The following FBN2 variants were observed in gnomAD, a reference collection of about 807,000 sequenced individuals.
The protein encoded by FBN2 is fibrillin-2.
FBN2 carries 105 observed loss-of-function variants against 355.6 expected under a neutral mutation model. The ratio of observed to expected loss-of-function variants is 0.30; its 90% CI spans 0.25 to 0.35. The LOEUF is 0.35. Among genes scored for constraint, FBN2 ranks in the 10% least tolerant of loss-of-function variants. The pLI, the probability that FBN2 is intolerant of heterozygous loss-of-function variation, is 1.00. For synonymous variants in FBN2, 1,350 were observed against 1,301.2 expected, an observed-to-expected ratio of 1.04 and a Z score of -0.81; for missense variants, 3,280 against 3,758.7, an observed-to-expected ratio of 0.87 and a Z score of 3.33.
At chr5:128,445,385 A>G (rs1370686960) in intron 7 of FBN2, among the ~76,000 whole-genome samples, 5 of 152,218 alleles carry the variant, frequency 3.3e-5, no homozygotes, top group Non-Finnish European at 5.9e-5. Flanking sequence ...TCAAGGATTT[A>G]TAAGATTATG....
intron 5 of FBN2, among the ~76,000 whole-genome samples, chr5:128,476,542 T>C (rs929267488): frequency 6.6e-6 from 1 of 150,584 alleles, no homozygotes; most frequent in Admixed American, 6.6e-5. Flanking sequence ...AAAAAAAGAG[T>C]ATTATAAGGA....
At chr5:128,355,574 G>A (rs1000107571) in intron 20 of FBN2, among the ~76,000 whole-genome samples, 3 of 152,064 alleles carry the variant, frequency 2.0e-5, no homozygotes, top group Admixed American at 2.0e-4. Context: ...GTAATGACCT[G>A]GACCTGTGGA....
chr5:128,327,648 T>G lies in FBN2; in HGVS notation c.4471+1048A>C, dbSNP rs947295531. On this transcript the variant is annotated intron_variant, in intron 34 of 64. Coordinates refer to ENST00000262464, the MANE Select transcript of FBN2 (RefSeq NM_001999.4). ...TGGTTTGTTTGTTTTTGTTTTTGTTTTTTTTTTTAGACTGAGTTTCGCTCT... is the reference window on the plus strand; with the variant it reads ...TGGTTTGTTTGTTTTTGTTTTTGTTGTTTTTTTTAGACTGAGTTTCGCTCT... 5.9e-5 allele frequency among the ~76,000 whole-genome samples: 9 copies of G among 152,136 alleles called. No individual in the cohort carries two copies. The South Asian group carries it at 1.9e-3, about 32-fold the overall frequency.
chr5:128,271,071 T>A (rs1171688673), intron 62 of FBN2, among the ~76,000 whole-genome samples: 3 of 152,216 alleles, frequency 2.0e-5, no homozygotes, highest in Non-Finnish European at 4.4e-5. Flanking sequence ...TTATCTTGAT[T>A]TTTTGTTCTT....
chr5:128,434,406 A>ATGTG (rs1344667744), intron 7 of FBN2, among the ~76,000 whole-genome samples: 4 of 105,160 alleles, frequency 3.8e-5, no homozygotes, highest in African/African-American at 1.1e-4. Flanking sequence ...ATATATATAT[A>ATGTG]TATATATATA....
intron 4 of FBN2, among the ~76,000 whole-genome samples, chr5:128,526,467 G>A (rs1286830957): frequency 2.6e-5 from 4 of 152,078 alleles, no homozygotes; most frequent in African/African-American, 9.7e-5. Context: ...AGAGCCAAAA[G>A]GTGAAAGCAA....
chr5:128,444,395 AC>A (rs928708870), intron 7 of FBN2, among the ~76,000 whole-genome samples: 1 of 152,240 alleles, frequency 6.6e-6, no homozygotes, highest in Non-Finnish European at 1.5e-5. Context: ...ATATAAAGAA[AC>A]AATATTACCC....
chr5:128,307,571 A>C (rs539942477), intron 41 of FBN2, among the ~76,000 whole-genome samples: 2 of 152,206 alleles, frequency 1.3e-5, no homozygotes, highest in East Asian at 3.9e-4. Flanking sequence ...GTACAAATTG[A>C]AAAAGGAATT....
At chr5:128,464,585 TG>T in intron 6 of FBN2, 138 bp downstream of exon 6, 1 of 817,820 alleles carries the variant, frequency 1.2e-6, no homozygotes, top group Non-Finnish European at 2.0e-6. Flanking sequence ...AAACCTTCTC[TG>T]GTCAGGGTTG....
At chr5:128,298,511 T>C (rs958660321) in intron 48 of FBN2, among the ~76,000 whole-genome samples, 1 of 152,012 alleles carries the variant, frequency 6.6e-6, no homozygotes, top group Admixed American at 6.5e-5. Context: ...CATAGTCCCA[T>C]ATTTCTTGGA....
chr5:128,326,965 T>A (rs1295457022), intron 34 of FBN2, among the ~76,000 whole-genome samples: 1 of 152,196 alleles, frequency 6.6e-6, no homozygotes, highest in African/African-American at 2.4e-5. Context: ...AAATCCTGTC[T>A]GGGTATAAAG....
chr5:128,490,792 G>A (rs1044423191), intron 5 of FBN2, among the ~76,000 whole-genome samples: 12 of 152,070 alleles, frequency 7.9e-5, no homozygotes, highest in African/African-American at 2.9e-4. Flanking sequence ...TCTCTTTTTT[G>A]TTCCTAATAT....
At chr5:128,267,114 T>C (rs1381841179) in intron 62 of FBN2, among the ~76,000 whole-genome samples, 1 of 152,196 alleles carries the variant, frequency 6.6e-6, no homozygotes, top group Non-Finnish European at 1.5e-5. Context: ...CTGCGGATGA[T>C]GATTTCCAGC....
At chr5:128,472,658 G>T (rs1754897575) in intron 5 of FBN2, among the ~76,000 whole-genome samples, 1 of 152,042 alleles carries the variant, frequency 6.6e-6, no homozygotes, top group Non-Finnish European at 1.5e-5. Context: ...AGGCATGGTG[G>T]CACATGCCCA....
At chr5:128,293,819 ACTTTT>A (rs1187621475) in intron 48 of FBN2, among the ~76,000 whole-genome samples, 1 of 151,812 alleles carries the variant, frequency 6.6e-6, no homozygotes, top group Non-Finnish European at 1.5e-5. Flanking sequence ...AGGATCTTAA[ACTTTT>A]CTTTTTTTTA....
At chr5:128,323,112 A>G (rs988205119) in intron 34 of FBN2, among the ~76,000 whole-genome samples, 3 of 152,202 alleles carry the variant, frequency 2.0e-5, no homozygotes, top group African/African-American at 7.2e-5. Context: ...CCGATTTTGT[A>G]TCCTGAGACT....
intron 63 of FBN2, among the ~76,000 whole-genome samples, chr5:128,262,701 T>C (rs1051229549): frequency 6.6e-6 from 1 of 152,204 alleles, no homozygotes; most frequent in African/African-American, 2.4e-5. Flanking sequence ...TCATACACCA[T>C]TGTTGGACAG....
chr5:128,346,574 TCTGA>T (rs1356966573), intron 23 of FBN2, among the ~76,000 whole-genome samples: 4 of 152,222 alleles, frequency 2.6e-5, no homozygotes, highest in African/African-American at 9.6e-5. Flanking sequence ...GAGTTACATT[TCTGA>T]GTACTGGAAT....
chr5:128,447,487 A>G (rs1754100814), intron 6 of FBN2, among the ~76,000 whole-genome samples: 1 of 152,180 alleles, frequency 6.6e-6, no homozygotes, highest in South Asian at 2.1e-4. Flanking sequence ...TACCAGGATG[A>G]GGAAATTCCC....
Sources: allele counts gnomAD v4.1 joint callset (sites outside exome capture counted in the v4.1 genomes callset), GRCh38; gene constraint gnomAD v4.1.1; transcripts MANE v1.5; gene names NCBI Gene and HGNC (gene_info 2026-07-23, HGNC 2026-07-21).